Variants in PTPRR observed in about 807,000 individuals in gnomAD.
PTPRR encodes the protein protein tyrosine phosphatase receptor type R, also known as receptor-type tyrosine-protein phosphatase R.
In PTPRR, 38 loss-of-function variants were observed where a neutral mutation model predicts 77.2. The observed-to-expected ratio is 0.49, with a 90% CI of 0.38 to 0.65. The LOEUF (loss-of-function observed/expected upper bound fraction) is 0.65. Among genes scored for constraint, PTPRR ranks in the 30% least tolerant of loss-of-function variants. The probability of loss-of-function intolerance (pLI) is 0.00; values close to 1 mark genes in which losing one functional copy is unlikely to be tolerated. For synonymous variants in PTPRR, 299 were observed against 283.1 expected (o/e 1.06, Z -0.57); for missense variants, 744 against 799.2 (o/e 0.93, Z 0.83).
chr12:70,877,107 G>A (rs1893064595), intron 2 of PTPRR, among the ~76,000 whole-genome samples: 1 of 152,168 alleles, frequency 6.6e-6, no homozygotes, highest in Non-Finnish European at 1.5e-5. Flanking sequence ...GTGCCAGTTG[G>A]CTCAACAAAG....
chr12:70,872,223 GTATTTC>G, intron 2 of PTPRR, among the ~76,000 whole-genome samples: 1 of 151,986 alleles, frequency 6.6e-6, no homozygotes, highest in East Asian at 1.9e-4. Context: ...AAAATTACTT[GTATTTC>G]TATAGAAGAT....
At chr12:70,870,472 G>A (rs574464285) in intron 2 of PTPRR, among the ~76,000 whole-genome samples, 1 of 152,288 alleles carries the variant, frequency 6.6e-6, no homozygotes, top group South Asian at 2.1e-4. Context: ...ACAAGATTAA[G>A]TTTTGCTCCC....
chr12:70,658,814 A>G (rs1056158219), intron 12 of PTPRR, among the ~76,000 whole-genome samples: 4 of 150,798 alleles, frequency 2.7e-5, no homozygotes, highest in East Asian at 3.9e-4. Flanking sequence ...AATGTGTCCA[A>G]ATAATTTCAA....
At chr12:70,781,343 G>A (rs567392663) in intron 2 of PTPRR, among the ~76,000 whole-genome samples, 20 of 152,332 alleles carry the variant, frequency 1.3e-4, no homozygotes, top group Middle Eastern at 3.4e-3. Context: ...GAGTAGAGAG[G>A]TTCCAAAAGA....
At chr12:70,875,054 A>G (rs1054778021) in intron 2 of PTPRR, among the ~76,000 whole-genome samples, 1 of 152,160 alleles carries the variant, frequency 6.6e-6, no homozygotes, top group Non-Finnish European at 1.5e-5. Flanking sequence ...AAATAAAGGT[A>G]TTAACAATGT....
At position 70,754,201 on chromosome 12, in the gene PTPRR, G is replaced by A. The variant is rs754005709; in HGVS notation, c.728C>T (p.Thr243Met). 6.8e-6 allele frequency: 11 copies of A among 1,612,868 alleles called. No homozygotes were observed. The Admixed American group carries it at 1.2e-4, about 17-fold the overall frequency. Residue 243 changes from threonine to methionine, a missense_variant, in exon 5 of 14, where the codon ACG (threonine) becomes ATG (methionine). By Grantham distance (81) the Thr-to-Met change is moderately conservative. Transcript: ENST00000283228. ...IFLSIFVIIV[T>M]CLMILYRLKE... ...AAGAAGCAAACTTACCATCAAACAC[G>A]TTACTATAATAACAAAGATGCTGAG...
At chr12:70,704,206 G>C (rs369310535) in intron 6 of PTPRR, among the ~76,000 whole-genome samples, 3 of 152,036 alleles carry the variant, frequency 2.0e-5, no homozygotes, top group East Asian at 1.9e-4. Flanking sequence ...AGGATCACTT[G>C]AGGCCAGGAG....
intron 2 of PTPRR, among the ~76,000 whole-genome samples, chr12:70,765,947 G>A (rs989886160): frequency 1.3e-5 from 2 of 152,210 alleles, no homozygotes; most frequent in Admixed American, 6.5e-5. Context: ...ACCTGCAGCT[G>A]AGGGTCCTGT....
intron 2 of PTPRR, among the ~76,000 whole-genome samples, chr12:70,871,781 A>G (rs1489221301): frequency 6.6e-6 from 1 of 152,240 alleles, no homozygotes; most frequent in Non-Finnish European, 1.5e-5. Context: ...TAGAAATTAA[A>G]TGTTCCTGTT....
chr12:70,840,268 A>G (rs1271883062), intron 2 of PTPRR, among the ~76,000 whole-genome samples: 1 of 151,824 alleles, frequency 6.6e-6, no homozygotes, highest in African/African-American at 2.4e-5. Context: ...CCATTCTTCC[A>G]TCTCCAAAGC....
intron 12 of PTPRR, among the ~76,000 whole-genome samples, chr12:70,657,356 A>G (rs1360549795): frequency 6.6e-6 from 1 of 152,186 alleles, no homozygotes; most frequent in Non-Finnish European, 1.5e-5. Flanking sequence ...TGAAGATTGG[A>G]TTCATTTTAG....
At chr12:70,886,192 G>A (rs573103001) in intron 2 of PTPRR, among the ~76,000 whole-genome samples, 1 of 152,204 alleles carries the variant, frequency 6.6e-6, no homozygotes, top group Non-Finnish European at 1.5e-5. Context: ...GATGGTGACA[G>A]TTATGACTGT....
chr12:70,855,310 T>C (rs978788332), intron 2 of PTPRR, among the ~76,000 whole-genome samples: 21 of 152,160 alleles, frequency 1.4e-4, no homozygotes, highest in Non-Finnish European at 1.5e-4. Flanking sequence ...GGAATAGTTA[T>C]CATATGGGGT....
intron 6 of PTPRR, among the ~76,000 whole-genome samples, chr12:70,743,989 T>C (rs1451602089): frequency 1.8e-4 from 27 of 152,140 alleles, no homozygotes; most frequent in Non-Finnish European, 8.8e-5. Flanking sequence ...TTCATTGTTA[T>C]CTACTATAGA....
intron 1 of PTPRR, among the ~76,000 whole-genome samples, chr12:70,901,797 T>C (rs1385877592): frequency 6.6e-6 from 1 of 151,774 alleles, no homozygotes; most frequent in Non-Finnish European, 1.5e-5. Flanking sequence ...TTAATTAAGC[T>C]TTTGCATGGC....
At chr12:70,658,254 T>C (rs17108545) in intron 12 of PTPRR, among the ~76,000 whole-genome samples, 9,085 of 152,290 alleles carry the variant, frequency 0.06, 590 homozygotes, top group East Asian at 0.32. Context: ...AACCACAACA[T>C]TGATTATTTC....
At chr12:70,870,551 A>G (rs1420153210) in intron 2 of PTPRR, among the ~76,000 whole-genome samples, 2 of 152,210 alleles carry the variant, frequency 1.3e-5, no homozygotes, top group Admixed American at 6.5e-5. Context: ...CAATGTCCTA[A>G]TCTCCCAAAG....
intron 1 of PTPRR, among the ~76,000 whole-genome samples, chr12:70,918,514 A>G (rs935876874): frequency 6.6e-6 from 1 of 152,202 alleles, no homozygotes; most frequent in African/African-American, 2.4e-5. Flanking sequence ...GCAGAACTCC[A>G]GGTAAAATCT....
At chr12:70,640,343 A>AT (rs113167993) in intron 13 of PTPRR, among the ~76,000 whole-genome samples, 11,055 of 150,248 alleles carry the variant, frequency 0.074, 590 homozygotes, top group Admixed American at 0.15. Context: ...CAATTTTTAA[A>AT]TTTTTTTTTT....
Sources: allele counts gnomAD v4.1 joint callset (sites outside exome capture counted in the v4.1 genomes callset), GRCh38; gene constraint gnomAD v4.1.1; transcripts MANE v1.5; gene names NCBI Gene and HGNC (gene_info 2026-07-23, HGNC 2026-07-21).